DOCK3: variants seen among roughly 807,000 people sequenced by gnomAD.
The protein encoded by DOCK3 is dedicator of cytokinesis protein 3.
In DOCK3, 60 loss-of-function variants were observed where a neutral mutation model predicts 265.6. That is an observed-to-expected ratio of 0.23 (90% confidence interval 0.18 to 0.28). DOCK3 has a LOEUF of 0.28. Among genes scored for constraint, DOCK3 ranks in the 10% least tolerant of loss-of-function variants. The pLI is 1.00. For synonymous variants in DOCK3, 881 were observed against 938.0 expected, an observed-to-expected ratio of 0.94 and a Z score of 1.11; for missense variants, 1,981 against 2,594.3, an observed-to-expected ratio of 0.76 and a Z score of 5.14.
chr3:51,209,280 A>G (rs1407585547), intron 13 of DOCK3, among the ~76,000 whole-genome samples: 1 of 152,224 alleles, frequency 6.6e-6, no homozygotes, highest in Non-Finnish European at 1.5e-5. Flanking sequence ...AAGACTGACC[A>G]TAATGAGAAT....
intron 5 of DOCK3, among the ~76,000 whole-genome samples, chr3:50,982,020 T>A (rs2077712671): frequency 6.6e-6 from 1 of 152,082 alleles, no homozygotes; most frequent in African/African-American, 2.4e-5. Context: ...AGTTAATTTT[T>A]GTATTTTTAG....
chr3:50,692,590 A>G (rs62260127), intron 1 of DOCK3, among the ~76,000 whole-genome samples: 13,665 of 152,252 alleles, frequency 0.09, 743 homozygotes, highest in Middle Eastern at 0.18. Context: ...TTTGTGGCCC[A>G]GGGGTTAGGG....
intron 5 of DOCK3, among the ~76,000 whole-genome samples, chr3:51,028,346 A>C (rs907067307): frequency 6.6e-6 from 1 of 151,752 alleles, no homozygotes; most frequent in Non-Finnish European, 1.5e-5. Flanking sequence ...TTTTCTAGCT[A>C]GTTTTAAGAT....
chr3:50,726,600 ATTATTATTAT>A (rs1465066730), intron 1 of DOCK3, among the ~76,000 whole-genome samples: 1 of 152,144 alleles, frequency 6.6e-6, no homozygotes, highest in Non-Finnish European at 1.5e-5. Flanking sequence ...CTAGGAGAGT[ATTATTATTAT>A]TTTTTTTCTG....
At chr3:51,330,303 A>C in intron 33 of DOCK3, 80 bp downstream of exon 33, 4 of 1,383,472 alleles carry the variant, frequency 2.9e-6, no homozygotes, top group Non-Finnish European at 4.0e-6. Context: ...TTGCAACTGC[A>C]CTGGCAGGCT....
intron 12 of DOCK3, among the ~76,000 whole-genome samples, chr3:51,196,089 C>T (rs2088277747): frequency 1.5e-5 from 2 of 134,158 alleles, no homozygotes; most frequent in South Asian, 5.2e-4. Context: ...GCACACTTCA[C>T]CACGCCCAGC....
At chr3:50,865,352 G>A (rs1332887044) in intron 3 of DOCK3, among the ~76,000 whole-genome samples, 2 of 152,038 alleles carry the variant, frequency 1.3e-5, no homozygotes, top group Non-Finnish European at 2.9e-5. Context: ...GTCTCCATGA[G>A]TTCTGTTGTT....
chr3:51,143,215 T>C (rs1438945247), intron 9 of DOCK3, among the ~76,000 whole-genome samples: 1 of 151,326 alleles, frequency 6.6e-6, no homozygotes, highest in African/African-American at 2.4e-5. Flanking sequence ...TTATAGCTAT[T>C]CTAGTAGGTG....
intron 3 of DOCK3, among the ~76,000 whole-genome samples, chr3:50,865,187 A>G (rs1470572093): frequency 1.3e-5 from 2 of 152,156 alleles, no homozygotes; most frequent in African/African-American, 2.4e-5. Flanking sequence ...TAAATGTACA[A>G]TCCAATTATT....
intron 2 of DOCK3, among the ~76,000 whole-genome samples, chr3:50,795,819 T>C (rs2042741408): frequency 1.3e-5 from 2 of 152,216 alleles, no homozygotes; most frequent in Non-Finnish European, 2.9e-5. Flanking sequence ...ATTCTTGTAG[T>C]GTGTTTTGCA....
At chr3:51,224,866 T>A (rs1275922391) in intron 14 of DOCK3, among the ~76,000 whole-genome samples, 3 of 152,156 alleles carry the variant, frequency 2.0e-5, no homozygotes, top group Non-Finnish European at 4.4e-5. Context: ...TCCCCTCAAC[T>A]CATCACCCTA....
chr3:50,993,670 T>C (rs944506979), intron 5 of DOCK3, among the ~76,000 whole-genome samples: 31 of 152,368 alleles, frequency 2.0e-4, no homozygotes, highest in African/African-American at 7.2e-4. Context: ...ATCACTTTAC[T>C]TCTATTGCTT....
chr3:50,799,876 T>A (rs2042983829), intron 2 of DOCK3, among the ~76,000 whole-genome samples: 1 of 152,196 alleles, frequency 6.6e-6, no homozygotes, highest in South Asian at 2.1e-4. Flanking sequence ...GCTTTTTTTC[T>A]ACACATAATT....
chr3:51,183,391 G>T (rs1489086639), intron 12 of DOCK3, among the ~76,000 whole-genome samples: 2 of 152,088 alleles, frequency 1.3e-5, no homozygotes, highest in Non-Finnish European at 2.9e-5. Context: ...CTCATCAAGA[G>T]TGAGAAGAAG....
intron 5 of DOCK3, among the ~76,000 whole-genome samples, chr3:51,013,338 G>A (rs559632797): frequency 4.6e-5 from 7 of 152,122 alleles, no homozygotes; most frequent in South Asian, 4.2e-4. Context: ...GTTTTGGTGC[G>A]GATGTCCTTT....
intron 23 of DOCK3, among the ~76,000 whole-genome samples, chr3:51,263,026 C>T (rs2079945654): frequency 6.6e-6 from 1 of 152,184 alleles, no homozygotes; most frequent in Non-Finnish European, 1.5e-5. Context: ...ACTTCCTCAA[C>T]CTAGCAAGAC....
At chr3:51,240,544 C>T (rs2078564409) in intron 21 of DOCK3, among the ~76,000 whole-genome samples, 1 of 152,088 alleles carries the variant, frequency 6.6e-6, no homozygotes. Flanking sequence ...TGAAGTCTCC[C>T]TCTATTATTG....
intron 27 of DOCK3, among the ~76,000 whole-genome samples, chr3:51,286,377 G>C (rs564733380): frequency 1.1e-4 from 16 of 152,206 alleles, no homozygotes; most frequent in Non-Finnish European, 1.9e-4. Context: ...AATCAATATT[G>C]TTAAAATGAC....
chr3:51,089,084 C>T (rs2082535926), intron 7 of DOCK3, among the ~76,000 whole-genome samples, 159 bp from the exon 8 acceptor site: 1 of 152,150 alleles, frequency 6.6e-6, no homozygotes, highest in African/African-American at 2.4e-5. Context: ...CCTTAGTTGT[C>T]TCCACCAAAT....
Sources: allele counts gnomAD v4.1 joint callset (sites outside exome capture counted in the v4.1 genomes callset), GRCh38; gene constraint gnomAD v4.1.1; transcripts MANE v1.5; gene names NCBI Gene and HGNC (gene_info 2026-07-23, HGNC 2026-07-21).